Variants in MED26 observed in about 807,000 individuals in gnomAD.
The protein encoded by MED26 is mediator of RNA polymerase II transcription subunit 26.
Under a neutral mutation model 43.7 loss-of-function variants are expected in MED26, and 7 were observed. The ratio of observed to expected loss-of-function variants is 0.16; its 90% CI spans 0.09 to 0.30. The LOEUF is 0.30. Ranked by LOEUF, MED26 falls within the 10% of genes least tolerant of loss-of-function variation. The pLI, the probability that MED26 is intolerant of heterozygous loss-of-function variation, is 1.00. For synonymous variants in MED26, 375 were observed against 371.1 expected (o/e 1.01, Z -0.12); for missense variants, 784 against 840.6 (o/e 0.93, Z 0.83).
intron 1 of MED26, chr19:16,589,220 C>T (rs537834044): frequency 6.6e-6 from 1 of 152,346 alleles, no homozygotes; most frequent in South Asian, 2.1e-4. Context: ...TGCAGAGAAC[C>T]AAGGACACTG....
chr19:16,601,621 G>A (rs536878570), intron 1 of MED26, among the ~76,000 whole-genome samples: 2 of 152,268 alleles, frequency 1.3e-5, no homozygotes, highest in Admixed American at 1.3e-4. Context: ...GGATGCTCTG[G>A]GGCCCCTAGG....
At chr19:16,583,422 A>G (rs993147402) in intron 1 of MED26, among the ~76,000 whole-genome samples, 1 of 150,596 alleles carries the variant, frequency 6.6e-6, no homozygotes, top group Non-Finnish European at 1.5e-5. Flanking sequence ...TTCTACCAAC[A>G]CTGACCGCCC....
intron 1 of MED26, chr19:16,612,326 C>T (rs1022335088): frequency 6.6e-6 from 1 of 152,114 alleles, no homozygotes; most frequent in Non-Finnish European, 1.5e-5. Flanking sequence ...GCTCTATCAC[C>T]CAAGCTGGAG....
chr19:16,618,594 A>G (rs2086236394), intron 1 of MED26, among the ~76,000 whole-genome samples: 1 of 152,150 alleles, frequency 6.6e-6, no homozygotes, highest in South Asian at 2.1e-4. Flanking sequence ...TTTTTCCCCA[A>G]AAACTCCCAT....
intron 1 of MED26, among the ~76,000 whole-genome samples, chr19:16,593,810 CAGA>C (rs1223290574): frequency 6.6e-6 from 1 of 152,188 alleles, no homozygotes; most frequent in African/African-American, 2.4e-5. Context: ...TGCTGCTAGA[CAGA>C]AGGCCACCTC....
chr19:16,601,419 T>C (rs151256663), intron 1 of MED26, among the ~76,000 whole-genome samples: 1,765 of 152,120 alleles, frequency 0.012, 34 homozygotes, highest in African/African-American at 0.041. Context: ...CCTCCCAAAG[T>C]GTTGGGATTA....
chr19:16,621,402 T>C (rs933963478), intron 1 of MED26, among the ~76,000 whole-genome samples: 1 of 152,214 alleles, frequency 6.6e-6, no homozygotes, highest in Non-Finnish European at 1.5e-5. Flanking sequence ...CAGAGACTGC[T>C]GCTGGCACAC....
At chr19:16,621,709 C>T (rs2086252239) in intron 1 of MED26, among the ~76,000 whole-genome samples, 1 of 152,066 alleles carries the variant, frequency 6.6e-6, no homozygotes, top group Admixed American at 6.5e-5. Flanking sequence ...ATCCAAGGGC[C>T]TGGGTATGTC....
intron 1 of MED26, among the ~76,000 whole-genome samples, chr19:16,584,653 A>G (rs2086062743): frequency 6.6e-6 from 1 of 152,342 alleles, no homozygotes. Flanking sequence ...CCCACCACGC[A>G]TCCTCGTCTT....
intron 1 of MED26, among the ~76,000 whole-genome samples, chr19:16,602,091 G>A (rs745611628): frequency 2.6e-5 from 4 of 152,214 alleles, no homozygotes; most frequent in African/African-American, 7.2e-5. Flanking sequence ...GGGAGCCGCC[G>A]TCAGCCTGTC....
intron 2 of MED26, 103 bp downstream of exon 2, chr19:16,578,232 A>G: frequency 2.7e-6 from 3 of 1,117,292 alleles, no homozygotes; most frequent in Non-Finnish European, 4.1e-6. Context: ...TGGTCCTCCG[A>G]AGCAAAGACA....
intron 1 of MED26, chr19:16,597,281 A>C: frequency 2.5e-6 from 1 of 396,696 alleles, no homozygotes; most frequent in East Asian, 3.6e-5. Flanking sequence ...AAAGCAAGTT[A>C]AGTTTCCCCC....
rs3745329 is a variant in MED26 at position 16,586,688 on chromosome 19, G to C, written c.73-8279C>G. On this transcript the variant is annotated intron_variant, in intron 1 of 2. Coordinates refer to ENST00000263390, the MANE Select transcript of MED26 (RefSeq NM_004831.5). The surrounding 1 kb of genome is among the most constrained non-coding windows in gnomAD (Gnocchi z 5.1). ...TGGCCCTGGGAACAGTGCACATGGA[G>C]CACAGACTGCAGTTCTGCACTCCCC... Among the ~76,000 whole-genome samples, 19,386 of 152,200 alleles carry C rather than the reference G, an allele frequency of 0.13. 1,312 individuals are homozygous for C. The highest frequency in any genetic ancestry group is 0.15 in the South Asian group (713 of 4,822).
chr19:16,587,182 G>C lies in MED26; in HGVS notation c.73-8773C>G, dbSNP rs2086075138. On this transcript the variant is annotated intron_variant, in intron 1 of 2. Transcript: ENST00000263390. The surrounding 1 kb of genome is among the most constrained non-coding windows in gnomAD (Gnocchi z 4.9). ...GGGTGAATCAAACAGGGCTTTGCTG[G>C]GAGAGTGTGTGTCTGTGATTTGGTT... is the stretch of plus-strand genomic sequence containing the variant. The C allele has an allele frequency of 6.6e-6, 1 of 151,986 alleles. No homozygotes were observed. Among genetic ancestry groups the C allele is most frequent in the Admixed American group, 6.5e-5 (1 of 15,268 alleles). 9.4% of individuals were successfully genotyped at this position (151,986 alleles called of 1,614,324 possible).
rs1022955807 is a variant in MED26, at chr19:16,575,615, G to A, written c.*412C>T. The A allele has an allele frequency of 5.4e-6, 1 of 184,290 alleles. No individual in the cohort carries two copies. Among genetic ancestry groups the A allele is most frequent in the Admixed American group, 5.4e-5 (1 of 18,646 alleles). The allele number at this position is 184,290 out of a possible 1,614,324, so 11.4% of individuals were successfully genotyped here. A position where few individuals can be genotyped will look rare whatever the true frequency, so the allele number is the denominator to read the frequency against. On this transcript the variant is annotated 3_prime_UTR_variant, in exon 3 of 3. Coordinates refer to ENST00000263390, the MANE Select transcript of MED26 (RefSeq NM_004831.5). ...AGAAAATGCAAGAGAGATGAGATGC[G>A]TGCTTCTGTTGCTGTGTTAAAGGTG... is the stretch of plus-strand genomic sequence containing the variant.
At chr19:16,604,495 T>G (rs1212733004) in intron 1 of MED26, among the ~76,000 whole-genome samples, 3 of 152,130 alleles carry the variant, frequency 2.0e-5, no homozygotes, top group African/African-American at 7.2e-5. Flanking sequence ...ACGACTAAGC[T>G]CAGGAACGCC....
At chr19:16,614,500 C>G (rs1753066361) in intron 1 of MED26, among the ~76,000 whole-genome samples, 1 of 150,246 alleles carries the variant, frequency 6.7e-6, no homozygotes, top group Non-Finnish European at 1.5e-5. Context: ...GCACTCCAGC[C>G]TGGGTGACAG....
chr19:16,609,667 T>C (rs1460268890), intron 1 of MED26, among the ~76,000 whole-genome samples: 1 of 151,898 alleles, frequency 6.6e-6, no homozygotes, highest in African/African-American at 2.4e-5. Flanking sequence ...TATTTTGAAG[T>C]GCTTGAAATA....
intron 1 of MED26, among the ~76,000 whole-genome samples, chr19:16,579,250 A>G (rs2086031258): frequency 6.6e-6 from 1 of 152,246 alleles, no homozygotes; most frequent in Non-Finnish European, 1.5e-5. Flanking sequence ...GTACAGCAGT[A>G]CAGCTGACCA....
Sources: gnomAD v4.1 joint callset for allele counts (sites outside exome capture counted in the v4.1 genomes callset) on GRCh38, gnomAD v4.1.1 for gene constraint, Gnocchi (gnomAD v3.1) non-coding constraint, MANE v1.5 for transcripts, NCBI Gene and HGNC (gene_info 2026-07-23, HGNC 2026-07-21) for gene names.